ELAVL2: variants seen among roughly 807,000 people sequenced by gnomAD.
The protein encoded by ELAVL2 is ELAV like RNA binding protein 2.
A neutral mutation model predicts 34.6 loss-of-function variants in ELAVL2; 4 were observed. The ratio of observed to expected loss-of-function variants is 0.12; its 90% CI spans 0.06 to 0.26. ELAVL2 has a LOEUF of 0.26. ELAVL2 is among the 10% of genes least tolerant of loss of function. The pLI, the probability that ELAVL2 is intolerant of heterozygous loss-of-function variation, is 1.00. For synonymous variants in ELAVL2, 193 were observed against 154.8 expected (o/e 1.25, Z -1.83); for missense variants, 432 against 442.8 (o/e 0.98, Z 0.22).
At chr9:23,802,325 G>A (rs2061663176) in intron 1 of ELAVL2, among the ~76,000 whole-genome samples, 1 of 152,118 alleles carries the variant, frequency 6.6e-6, no homozygotes, top group African/African-American at 2.4e-5. Context: ...ACTTCCAAAC[G>A]CTAGCCCACA....
intron 1 of ELAVL2, among the ~76,000 whole-genome samples, chr9:23,780,959 G>GA (rs138391602): frequency 1.4e-3 from 219 of 152,004 alleles, no homozygotes; most frequent in African/African-American, 5.1e-3. Flanking sequence ...CAGGGATATG[G>GA]AAAAAAAGAC....
the ELAVL2 span, among the ~76,000 whole-genome samples, chr9:23,848,376 C>T: frequency 1.3e-5 from 2 of 152,138 alleles, no homozygotes; most frequent in Non-Finnish European, 2.9e-5. Context: ...ACAAATGTTA[C>T]TAAATTGATT....
At chr9:23,781,861 T>C (rs1346449454) in intron 1 of ELAVL2, among the ~76,000 whole-genome samples, 1 of 152,098 alleles carries the variant, frequency 6.6e-6, no homozygotes, top group Non-Finnish European at 1.5e-5. Context: ...ATTTTTTGTA[T>C]TTTTAGTAGA....
At chr9:23,809,858 T>G (rs555070194) in intron 1 of ELAVL2, among the ~76,000 whole-genome samples, 40 of 152,278 alleles carry the variant, frequency 2.6e-4, no homozygotes, top group African/African-American at 9.6e-4. Flanking sequence ...AACAGTAAAG[T>G]TGGAGAAATA....
chr9:23,794,156 C>T (rs957011018), intron 1 of ELAVL2, among the ~76,000 whole-genome samples: 1 of 152,204 alleles, frequency 6.6e-6, no homozygotes, highest in Non-Finnish European at 1.5e-5. Flanking sequence ...ATACCAACAG[C>T]ATTCAAGCTG....
rs146899815 is a variant in ELAVL2, at chr9:23,726,127, G to C, written c.333+4895C>G. Among the ~76,000 whole-genome samples the C allele has an allele frequency of 2.4e-3, 367 of 152,074 alleles. 1 individual carries two copies. The highest frequency in any genetic ancestry group is 8.4e-3 in the African/African-American group (350 of 41,532). ...TTACTAATGAGGAAAGGATAAGCTAGTTAGAAAAAGGTATAAATTTAACAA... is the reference window on the plus strand; with the variant it reads ...TTACTAATGAGGAAAGGATAAGCTACTTAGAAAAAGGTATAAATTTAACAA... On this transcript the variant is annotated intron_variant, in intron 3 of 6. Transcript: ENST00000397312.
intron 1 of ELAVL2, among the ~76,000 whole-genome samples, chr9:23,817,075 A>G (rs1271030786): frequency 6.6e-6 from 1 of 151,966 alleles, no homozygotes; most frequent in Admixed American, 6.6e-5. Flanking sequence ...TTTTACTGTT[A>G]CTGTCTTACA....
chr9:23,752,047 T>C (rs1483955089), intron 2 of ELAVL2, among the ~76,000 whole-genome samples: 1 of 152,106 alleles, frequency 6.6e-6, no homozygotes, highest in Non-Finnish European at 1.5e-5. Context: ...CTCCAAGAAA[T>C]CTAGGACAAC....
chr9:23,818,781 T>C (rs9792608), intron 1 of ELAVL2, among the ~76,000 whole-genome samples: 22,244 of 152,226 alleles, frequency 0.15, 2,096 homozygotes, highest in East Asian at 0.31. Flanking sequence ...GATGCTACCA[T>C]GCAGACAAGT....
chr9:23,758,943 A>T (rs2054226634), intron 2 of ELAVL2, among the ~76,000 whole-genome samples: 1 of 152,056 alleles, frequency 6.6e-6, no homozygotes, highest in African/African-American at 2.4e-5. Context: ...ACATCTTTCA[A>T]TCTTATACAC....
At chr9:23,708,872 A>AG (rs1224936633) in intron 3 of ELAVL2, among the ~76,000 whole-genome samples, 2 of 152,104 alleles carry the variant, frequency 1.3e-5, no homozygotes, top group African/African-American at 4.8e-5. Flanking sequence ...GCCTGACCTC[A>AG]GGTGATCAGC....
At chr9:23,768,317 C>T (rs565180703) in intron 1 of ELAVL2, among the ~76,000 whole-genome samples, 1 of 152,216 alleles carries the variant, frequency 6.6e-6, no homozygotes, top group African/African-American at 2.4e-5. Context: ...CCATCCAAAC[C>T]CACCCCATCT....
the ELAVL2 span, among the ~76,000 whole-genome samples, chr9:23,838,544 T>G: frequency 6.6e-6 from 1 of 152,292 alleles, no homozygotes; most frequent in African/African-American, 2.4e-5. Flanking sequence ...CTCTACCATT[T>G]TTTTAGACAA....
At chr9:23,720,527 C>A (rs1223065137) in intron 3 of ELAVL2, among the ~76,000 whole-genome samples, 1 of 152,100 alleles carries the variant, frequency 6.6e-6, no homozygotes, top group African/African-American at 2.4e-5. Flanking sequence ...TCCAAATACC[C>A]TCAGAAGCAA....
intron 1 of ELAVL2, among the ~76,000 whole-genome samples, chr9:23,772,426 A>C (rs1157166962): frequency 6.6e-6 from 1 of 151,828 alleles, no homozygotes; most frequent in Non-Finnish European, 1.5e-5. Context: ...AAAGGCCACA[A>C]CACTCCTCCT....
At chr9:23,814,217 C>T (rs1403729932) in intron 1 of ELAVL2, among the ~76,000 whole-genome samples, 2 of 152,132 alleles carry the variant, frequency 1.3e-5, no homozygotes, top group African/African-American at 4.8e-5. Flanking sequence ...ACCAACTGCT[C>T]CTTCTGGTAT....
chr9:23,780,125 C>T (rs924759054), intron 1 of ELAVL2, among the ~76,000 whole-genome samples: 1 of 150,514 alleles, frequency 6.6e-6, no homozygotes, highest in Non-Finnish European at 1.5e-5. Context: ...CAAAACCTCA[C>T]ACATAACTTA....
chr9:23,831,940 C>T, the ELAVL2 span, among the ~76,000 whole-genome samples: 1 of 152,072 alleles, frequency 6.6e-6, no homozygotes, highest in Non-Finnish European at 1.5e-5. Flanking sequence ...CTAATCATAG[C>T]TACTATGAAT....
rs2033398410 is a variant in ELAVL2, at chr9:23,692,243, AAAAAG to A, written c.*309_*313del. ...ACTCACAGGTTCAAGGCAGTTATGT[AAAAAG>A]AAAAGAAATGTCTTCCCTTAGCTGA... On this transcript the variant is annotated 3_prime_UTR_variant, in exon 7 of 7. Transcript: ENST00000397312. 2.2e-5 allele frequency: 5 copies of A among 228,104 alleles called. No individual in the cohort carries two copies. Among genetic ancestry groups the A allele is most frequent in the East Asian group, 9.0e-5 (1 of 11,116 alleles). 14.1% of individuals were successfully genotyped at this position (228,104 alleles called of 1,614,324 possible).
Sources: allele counts gnomAD v4.1 joint callset (sites outside exome capture counted in the v4.1 genomes callset), GRCh38; gene constraint gnomAD v4.1.1; transcripts MANE v1.5; gene names NCBI Gene and HGNC (gene_info 2026-07-23, HGNC 2026-07-21).